HTR4: variants seen among roughly 807,000 people sequenced by gnomAD.
The protein encoded by HTR4 is 5-hydroxytryptamine receptor 4.
A neutral mutation model predicts 36.8 loss-of-function variants in HTR4; 16 were observed. The observed-to-expected ratio is 0.43, with a 90% CI of 0.29 to 0.66. HTR4 has a LOEUF of 0.66. Ranked by LOEUF, HTR4 falls within the 30% of genes least tolerant of loss-of-function variation. The pLI, the probability that HTR4 is intolerant of heterozygous loss-of-function variation, is 0.13. For synonymous variants in HTR4, 189 were observed against 185.1 expected, an observed-to-expected ratio of 1.02 and a Z score of -0.17; for missense variants, 438 against 490.9, an observed-to-expected ratio of 0.89 and a Z score of 1.02.
intron 1 of HTR4, chr5:148,645,640 C>T (rs1007284391): frequency 6.6e-6 from 1 of 152,060 alleles, no homozygotes; most frequent in Non-Finnish European, 1.5e-5. Flanking sequence ...ATAAACATAC[C>T]AAAAACCTCA....
Position 148,499,252 on chromosome 5 carries a change from A to T in HTR4, c.1076+10204T>A, listed in dbSNP as rs576250645. 2.5e-3 allele frequency among the ~76,000 whole-genome samples: 375 copies of T among 152,302 alleles called. 5 individuals carry two copies. The highest frequency in any genetic ancestry group is 0.01 in the Middle Eastern group (3 of 294). ...AATGATGGACTTAGGGCTCTCAAAT[A>T]TAGTAACAAACATTCTTTTCTGGAA... On this transcript the variant is annotated intron_variant, in intron 6 of 6. Transcript: ENST00000377888.
intron 2 of HTR4, among the ~76,000 whole-genome samples, chr5:148,578,977 T>A (rs949027665): frequency 2.0e-5 from 3 of 152,102 alleles, no homozygotes; most frequent in Non-Finnish European, 2.9e-5. Context: ...AAATCAGTCA[T>A]CCTTCAGAAA....
intron 2 of HTR4, among the ~76,000 whole-genome samples, chr5:148,575,927 A>G (rs938163787): frequency 1.3e-5 from 2 of 151,902 alleles, no homozygotes; most frequent in Non-Finnish European, 2.9e-5. Context: ...CCAAATAGGA[A>G]GAGAGAAAGT....
intron 2 of HTR4, among the ~76,000 whole-genome samples, chr5:148,557,706 G>A (rs944184168): frequency 7.3e-5 from 11 of 150,730 alleles, no homozygotes; most frequent in Admixed American, 4.6e-4. Context: ...AGATGAGAGC[G>A]GTATTTTGGA....
chr5:148,577,523 T>C (rs1260664226), intron 2 of HTR4, among the ~76,000 whole-genome samples: 1 of 152,088 alleles, frequency 6.6e-6, no homozygotes, highest in Non-Finnish European at 1.5e-5. Flanking sequence ...CACACGAATG[T>C]TCATTGCAGC....
intron 5 of HTR4, among the ~76,000 whole-genome samples, chr5:148,458,006 A>ATTT (rs1291851016): frequency 2.2e-5 from 3 of 138,932 alleles, no homozygotes; most frequent in African/African-American, 7.9e-5. Context: ...ATCTTAAGAT[A>ATTT]TATTAAATAT....
At position 148,509,916 on chromosome 5, in the gene HTR4, G is replaced by A. The variant is rs1191013854; in HGVS notation, c.616C>T (p.Leu206Phe). The change falls in exon 6 of 7, where the codon CTC (leucine) becomes TTC (phenylalanine). Residue 206 changes from leucine to phenylalanine, a missense_variant. Coordinates refer to ENST00000377888, the MANE Select transcript of HTR4 (RefSeq NM_000870.7). ...CGGTAATAGGCCAGCACCATGAGGA[G>A]AAATGGGATGTAGAAGGCCACCACA... ...CSVVAFYIPFLLMVLAYYRIY... is the reference protein window; with the variant it reads ...CSVVAFYIPFFLMVLAYYRIY... 18 of 1,613,882 alleles carry A rather than the reference G, an allele frequency of 1.1e-5. No individual in the cohort carries two copies. Among genetic ancestry groups the A allele is most frequent in the Non-Finnish European group, 1.4e-5 (17 of 1,179,980 alleles).
chr5:148,534,671 C>A (rs1296874354), intron 4 of HTR4, among the ~76,000 whole-genome samples: 2 of 152,088 alleles, frequency 1.3e-5, no homozygotes, highest in African/African-American at 4.8e-5. Flanking sequence ...GGAGGCCAGA[C>A]CATCTCTCAT....
intron 2 of HTR4, among the ~76,000 whole-genome samples, chr5:148,589,535 T>C (rs1014593421): frequency 1.3e-5 from 2 of 152,184 alleles, no homozygotes; most frequent in Admixed American, 1.3e-4. Context: ...TCTCATTTTC[T>C]GGTTGGGTTG....
At chr5:148,608,449 C>T (rs545055730) in intron 2 of HTR4, among the ~76,000 whole-genome samples, 21 of 152,086 alleles carry the variant, frequency 1.4e-4, no homozygotes, top group Non-Finnish European at 2.8e-4. Flanking sequence ...AAGAAGAATG[C>T]TCTCAGTAGC....
chr5:148,594,407 G>A (rs913664922), intron 2 of HTR4, among the ~76,000 whole-genome samples: 4 of 151,810 alleles, frequency 2.6e-5, no homozygotes, highest in Non-Finnish European at 5.9e-5. Flanking sequence ...ATTACAGTAA[G>A]TGTAATTCAT....
At chr5:148,592,135 C>CA (rs144959188) in intron 2 of HTR4, among the ~76,000 whole-genome samples, 4,942 of 152,086 alleles carry the variant, frequency 0.032, 161 homozygotes, top group South Asian at 0.089. Context: ...AACATAGGAA[C>CA]AAAAAATCAA....
At chr5:148,548,041 A>G (rs1759477648) in intron 4 of HTR4, among the ~76,000 whole-genome samples, 1 of 152,336 alleles carries the variant, frequency 6.6e-6, no homozygotes, top group South Asian at 2.1e-4. Context: ...AATCTGCAAC[A>G]AATGAGGCAA....
At chr5:148,470,864 T>C (rs907747207) in intron 5 of HTR4, among the ~76,000 whole-genome samples, 10 of 152,116 alleles carry the variant, frequency 6.6e-5, no homozygotes, top group African/African-American at 2.4e-4. Context: ...AATTTTTGTA[T>C]TTTTAGTAGA....
rs190963705 is a variant in HTR4 at position 148,528,914 on chromosome 5, C to T, written c.354-5568G>A. 5.3e-4 allele frequency among the ~76,000 whole-genome samples: 80 copies of T among 151,614 alleles called. 1 individual carries two copies. Among genetic ancestry groups the T allele is most frequent in the African/African-American group, 1.8e-3 (73 of 41,380 alleles). On this transcript the variant is annotated intron_variant, in intron 4 of 6. Coordinates refer to ENST00000377888, the MANE Select transcript of HTR4 (RefSeq NM_000870.7). ...TCTGCTCATTTGATCTCATTTAATC[C>T]GCACAACTATTAGATTGGTGCAAAA...
At position 148,637,049 on chromosome 5, in the gene HTR4, T is replaced by G. The variant is rs781595702; in HGVS notation, c.-35A>C. ...TAAGCATGAGTGAGTTGGATTTCAA[T>G]GCCCACAGGGTCCTAAAATGGGGGA... On this transcript the variant is annotated 5_prime_UTR_variant, in exon 2 of 7. Transcript: ENST00000377888. 1 of 1,608,204 alleles carries G rather than the reference T, an allele frequency of 6.2e-7. No homozygotes were observed. The highest frequency in any genetic ancestry group is 2.2e-5 in the East Asian group (1 of 44,758).
intron 6 of HTR4, among the ~76,000 whole-genome samples, chr5:148,498,468 T>C (rs1192700196): frequency 1.3e-5 from 2 of 152,108 alleles, no homozygotes; most frequent in Admixed American, 6.5e-5. Flanking sequence ...ACACCTTTCA[T>C]CAGCAAAAAT....
At chr5:148,653,116 G>A (rs908016484) in intron 1 of HTR4, among the ~76,000 whole-genome samples, 1 of 152,202 alleles carries the variant, frequency 6.6e-6, no homozygotes, top group East Asian at 1.9e-4. Context: ...GCTCACCACA[G>A]TCACCCACAG....
At chr5:148,524,453 T>C (rs750688617) in intron 4 of HTR4, among the ~76,000 whole-genome samples, 7 of 152,190 alleles carry the variant, frequency 4.6e-5, no homozygotes, top group Non-Finnish European at 8.8e-5. Context: ...GTGCTCACTA[T>C]CTTTTGATTC....
Sources: gnomAD v4.1 joint callset for allele counts (sites outside exome capture counted in the v4.1 genomes callset) on GRCh38, gnomAD v4.1.1 for gene constraint, MANE v1.5 for transcripts, NCBI Gene and HGNC (gene_info 2026-07-23, HGNC 2026-07-21) for gene names.